Variants in RETREG1 observed in about 807,000 individuals in gnomAD.
RETREG1 encodes the protein reticulophagy regulator 1.
In RETREG1, 44 loss-of-function variants were observed where a neutral mutation model predicts 54.8. The ratio of observed to expected loss-of-function variants is 0.80; its 90% CI spans 0.63 to 1.03. The LOEUF (loss-of-function observed/expected upper bound fraction) is 1.03, where lower values mean the gene tolerates loss of function less well. Among genes scored for constraint, RETREG1 ranks in the 50% least tolerant of loss-of-function variants. The probability of loss-of-function intolerance (pLI) is 0.00; values close to 1 mark genes in which losing one functional copy is unlikely to be tolerated. For missense variants in RETREG1, 554 were observed against 605.1 expected (o/e 0.92, Z 0.89); for synonymous variants, 217 against 238.5 (o/e 0.91, Z 0.83).
intron 2 of RETREG1, among the ~76,000 whole-genome samples, chr5:16,567,684 C>G (rs371951770): frequency 1.3e-5 from 2 of 152,076 alleles, no homozygotes; most frequent in Non-Finnish European, 2.9e-5. Context: ...GGGGCAGGCA[C>G]GCTGACTCAC....
chr5:16,524,769 A>G (rs905727751), intron 3 of RETREG1, among the ~76,000 whole-genome samples: 4 of 152,206 alleles, frequency 2.6e-5, no homozygotes, highest in Non-Finnish European at 5.9e-5. Context: ...CAATCCTAAA[A>G]GTTAAGTGAA....
In RETREG1 at chr5:16,561,216, C is replaced by T. The variant is rs986218550; in HGVS notation, c.458+4547G>A. Reference sequence around the variant, plus strand: ...GACCCTTCCTATAAACGGTACTTCCCGCCGGGCGCAGTGGCTCACACCTGT... The same window carrying T: ...GACCCTTCCTATAAACGGTACTTCCTGCCGGGCGCAGTGGCTCACACCTGT... On this transcript the variant is annotated intron_variant, in intron 3 of 8. Transcript: ENST00000306320. This position sits in a 1 kb window ranked among gnomAD's most constrained non-coding sequence, Gnocchi z 4.2. Among the ~76,000 whole-genome samples the T allele has an allele frequency of 2.0e-5, 3 of 151,636 alleles. No individual in the cohort carries two copies. The highest frequency in any genetic ancestry group is 4.8e-5 in the African/African-American group (2 of 41,282).
chr5:16,565,198 A>G (rs1741974817), intron 3 of RETREG1, among the ~76,000 whole-genome samples: 1 of 151,978 alleles, frequency 6.6e-6, no homozygotes, highest in Admixed American at 6.6e-5. Context: ...CCCCTTTACC[A>G]TAGAATGGAT....
chr5:16,495,987 ATG>A (rs1739438389), intron 3 of RETREG1, among the ~76,000 whole-genome samples: 1 of 152,188 alleles, frequency 6.6e-6, no homozygotes, highest in East Asian at 1.9e-4. Context: ...AAATAAATTG[ATG>A]TATTAGGCAT....
At chr5:16,562,764 A>C (rs1741894542) in intron 3 of RETREG1, among the ~76,000 whole-genome samples, 1 of 152,230 alleles carries the variant, frequency 6.6e-6, no homozygotes, top group African/African-American at 2.4e-5. Context: ...CATATCAACC[A>C]AAACAAAGGA....
intron 3 of RETREG1, among the ~76,000 whole-genome samples, chr5:16,520,569 C>A (rs62369717): frequency 0.12 from 18,147 of 151,690 alleles, 1,262 homozygotes; most frequent in African/African-American, 0.18. Flanking sequence ...ACCTTGTGAT[C>A]CTCCTGCCCC....
At chr5:16,497,140 T>C (rs1448132306) in intron 3 of RETREG1, among the ~76,000 whole-genome samples, 3 of 152,106 alleles carry the variant, frequency 2.0e-5, no homozygotes, top group African/African-American at 7.2e-5. Context: ...GGCATGACAT[T>C]AGGAGCTTTA....
intron 3 of RETREG1, among the ~76,000 whole-genome samples, chr5:16,530,786 T>C (rs752745495): frequency 7.9e-5 from 12 of 152,126 alleles, no homozygotes; most frequent in African/African-American, 1.2e-4. Flanking sequence ...GGTAGAAGAA[T>C]TGCCTGAACC....
chr5:16,562,427 G>A (rs1219912096), intron 3 of RETREG1, among the ~76,000 whole-genome samples: 1 of 152,206 alleles, frequency 6.6e-6, no homozygotes, highest in Non-Finnish European at 1.5e-5. Flanking sequence ...CCCTGAGGTG[G>A]ATACATGCCT....
rs73753078 is a variant in RETREG1 at position 16,513,077 on chromosome 5, C to T, written c.459-29605G>A. On this transcript the variant is annotated intron_variant, in intron 3 of 8. Transcript: ENST00000306320. The stretch of plus-strand genomic sequence containing the variant: ...GTATATTTGAGCACTTTGTTTGGAG[C>T]AGATTGGTTCAGAAGTCATGACAGA... 5.6e-3 allele frequency among the ~76,000 whole-genome samples: 854 copies of T among 152,264 alleles called. 11 individuals are homozygous for T. Among genetic ancestry groups the T allele is most frequent in the African/African-American group, 0.02 (828 of 41,534 alleles).
At chr5:16,547,978 G>A (rs2126613156) in intron 3 of RETREG1, among the ~76,000 whole-genome samples, 1 of 152,166 alleles carries the variant, frequency 6.6e-6, no homozygotes, top group South Asian at 2.1e-4. Flanking sequence ...AAAAATAAAT[G>A]GGGAGATTGG....
At chr5:16,611,988 C>T (rs1352707416) in intron 1 of RETREG1, among the ~76,000 whole-genome samples, 2 of 151,696 alleles carry the variant, frequency 1.3e-5, no homozygotes, top group South Asian at 2.1e-4. Context: ...TCGCTAGAAC[C>T]CAGGAGGTGG....
chr5:16,511,321 G>C (rs529872258), intron 3 of RETREG1, among the ~76,000 whole-genome samples: 7 of 152,236 alleles, frequency 4.6e-5, no homozygotes, highest in Admixed American at 1.3e-4. Context: ...GTGGGCAGCC[G>C]GTACTCTGCA....
intron 3 of RETREG1, among the ~76,000 whole-genome samples, chr5:16,492,458 T>C (rs148855816): frequency 8.6e-5 from 13 of 151,484 alleles, no homozygotes; most frequent in Non-Finnish European, 1.5e-4. Flanking sequence ...CCATTCCATA[T>C]TGACAAACTT....
chr5:16,516,892 T>C (rs1740374858), intron 3 of RETREG1, among the ~76,000 whole-genome samples: 1 of 151,892 alleles, frequency 6.6e-6, no homozygotes, highest in South Asian at 2.1e-4. Context: ...CCTGAGCCCA[T>C]GAGTTCAAGA....
At position 16,475,219 on chromosome 5, in the gene RETREG1, C is replaced by T; in HGVS notation, c.1016G>A (p.Ser339Asn). ...AAGATCTCTAGAGAAAACTTCCTCA[C>T]TGGGTCGGTCAAGATCTGTGAAATG... ...TDTSDDLDRP[S>N]EEVFSRDLSD... is the part of the protein sequence containing the mutation. Residue 339 changes from serine (S) to asparagine (N), a missense_variant, in exon 9 of 9, where the codon AGT becomes AAT. Coordinates refer to ENST00000306320, the MANE Select transcript of RETREG1 (RefSeq NM_001034850.3). The T allele has an allele frequency of 6.2e-7, 1 of 1,612,654 alleles. No individual in the cohort carries two copies. The highest frequency in any genetic ancestry group is 1.3e-5 in the African/African-American group (1 of 75,020).
intron 2 of RETREG1, 107 bp from the exon 3 acceptor site, chr5:16,565,900 C>A (rs1337206092): frequency 2.2e-5 from 26 of 1,196,102 alleles, no homozygotes; most frequent in Non-Finnish European, 3.1e-5. Context: ...ATGCTCAGAT[C>A]TCTAACACTC....
At chr5:16,577,849 T>A (rs756755012) in intron 1 of RETREG1, among the ~76,000 whole-genome samples, 2 of 152,190 alleles carry the variant, frequency 1.3e-5, no homozygotes, top group Non-Finnish European at 2.9e-5. Context: ...CATTCTCTCT[T>A]GCCTGCCACG....
intron 3 of RETREG1, among the ~76,000 whole-genome samples, chr5:16,500,175 G>A (rs1372296812): frequency 6.6e-6 from 1 of 152,228 alleles, no homozygotes; most frequent in Non-Finnish European, 1.5e-5. Flanking sequence ...TATGCACAGA[G>A]CCTATGGGCT....
Sources: gnomAD v4.1 joint callset for allele counts (sites outside exome capture counted in the v4.1 genomes callset) on GRCh38, gnomAD v4.1.1 for gene constraint, Gnocchi (gnomAD v3.1) non-coding constraint, MANE v1.5 for transcripts, NCBI Gene and HGNC (gene_info 2026-07-23, HGNC 2026-07-21) for gene names.